RAB7A: variants seen among roughly 807,000 people sequenced by gnomAD.
RAB7A encodes the protein ras-related protein Rab-7a.
RAB7A carries 2 observed loss-of-function variants against 24.5 expected under a neutral mutation model. The ratio of observed to expected loss-of-function variants is 0.08; its 90% CI spans 0.03 to 0.26. The LOEUF (loss-of-function observed/expected upper bound fraction) is 0.26, where lower values mean the gene tolerates loss of function less well. Among genes scored for constraint, RAB7A ranks in the 10% least tolerant of loss-of-function variants. RAB7A has a pLI of 1.00. For missense variants in RAB7A, 118 were observed against 255.7 expected (o/e 0.46, Z 3.67); for synonymous variants, 100 against 95.9 (o/e 1.04, Z -0.25).
At chr3:128,781,327 A>G (rs1933213696) in intron 1 of RAB7A, among the ~76,000 whole-genome samples, 1 of 148,580 alleles carries the variant, frequency 6.7e-6, no homozygotes, top group Non-Finnish European at 1.5e-5. Context: ...GCATTATCTC[A>G]TTTGTGGAGG....
chr3:128,737,825 GTTTTTTTTTTTTTTTTTTT>G (rs56027163), intron 1 of RAB7A, among the ~76,000 whole-genome samples: 2 of 59,482 alleles, frequency 3.4e-5, no homozygotes, highest in African/African-American at 1.3e-4. Flanking sequence ...TTTTTTTGTA[GTTTTTTTTTTTTTTTTTTT>G]TTTTTTTTTT....
chr3:128,746,496 TTTTA>T (rs1442709854), intron 1 of RAB7A, among the ~76,000 whole-genome samples: 3 of 151,894 alleles, frequency 2.0e-5, no homozygotes, highest in Non-Finnish European at 4.4e-5. Context: ...GGTTCAACAT[TTTTA>T]TTTATTTTTT....
intron 1 of RAB7A, among the ~76,000 whole-genome samples, chr3:128,776,992 A>G (rs1933108517): frequency 6.7e-6 from 1 of 150,004 alleles, no homozygotes; most frequent in Admixed American, 6.6e-5. Flanking sequence ...ACACACCCCT[A>G]TTAGTCATTT....
chr3:128,789,808 G>C (rs940271985), intron 1 of RAB7A, among the ~76,000 whole-genome samples: 1 of 86,640 alleles, frequency 1.2e-5, no homozygotes, highest in Non-Finnish European at 2.4e-5. Flanking sequence ...TTTTTTTTTT[G>C]AGATGGAGTT....
At chr3:128,783,032 A>G (rs1032723532) in intron 1 of RAB7A, among the ~76,000 whole-genome samples, 1 of 152,184 alleles carries the variant, frequency 6.6e-6, no homozygotes, top group African/African-American at 2.4e-5. Flanking sequence ...CAGTGACCCA[A>G]AAATGTATAT....
chr3:128,745,917 A>C (rs1193660910), intron 1 of RAB7A, among the ~76,000 whole-genome samples: 2 of 152,226 alleles, frequency 1.3e-5, no homozygotes. Context: ...TGTGCTGGTC[A>C]CACAGCAATG....
At chr3:128,753,057 CTAT>C (rs757818210) in intron 1 of RAB7A, among the ~76,000 whole-genome samples, 2 of 152,112 alleles carry the variant, frequency 1.3e-5, no homozygotes, top group African/African-American at 4.8e-5. Context: ...AGGAGGATAT[CTAT>C]TATTATAATT....
chr3:128,807,364 A>G lies in RAB7A; in HGVS notation c.400-179A>G, dbSNP rs41266497. ...TAGCTGAATCCTAGCTATCCTGAGCATAGCTAGCAGGACAAGTTTGGACGG... is the reference window on the plus strand; with the variant it reads ...TAGCTGAATCCTAGCTATCCTGAGCGTAGCTAGCAGGACAAGTTTGGACGG... On this transcript the variant is annotated intron_variant, in intron 4 of 5. Transcript: ENST00000265062. 0.042 allele frequency among the ~76,000 whole-genome samples: 6,323 copies of G among 152,272 alleles called. 181 individuals are homozygous for G. The highest frequency in any genetic ancestry group is 0.058 in the Non-Finnish European group (3,940 of 68,016).
At chr3:128,810,831 A>G (rs1162628885) in intron 5 of RAB7A, among the ~76,000 whole-genome samples, 1 of 152,154 alleles carries the variant, frequency 6.6e-6, no homozygotes, top group Non-Finnish European at 1.5e-5. Context: ...AGGCGGGTGG[A>G]TCACCTTAGG....
intron 1 of RAB7A, chr3:128,765,084 A>C (rs2070816382): frequency 1.1e-6 from 1 of 903,372 alleles, no homozygotes; most frequent in African/African-American, 1.6e-5. Flanking sequence ...GGGCCTTGGG[A>C]TGGTCCGAGG....
chr3:128,753,712 C>T (rs1021962478), intron 1 of RAB7A, among the ~76,000 whole-genome samples: 5 of 152,300 alleles, frequency 3.3e-5, no homozygotes, highest in Admixed American at 3.3e-4. Flanking sequence ...AAGGAATGAA[C>T]TTGCTCCCTT....
chr3:128,784,654 G>A (rs113755158), intron 1 of RAB7A, among the ~76,000 whole-genome samples: 3 of 152,146 alleles, frequency 2.0e-5, no homozygotes, highest in Non-Finnish European at 4.4e-5. Context: ...TCCAAGTAAG[G>A]CCTTGCATGT....
chr3:128,751,312 C>T (rs1161543016), intron 1 of RAB7A, among the ~76,000 whole-genome samples: 1 of 152,200 alleles, frequency 6.6e-6, no homozygotes, highest in Non-Finnish European at 1.5e-5. Context: ...AGATACTCAA[C>T]ACCAGCCTGT....
chr3:128,774,803 C>T (rs189345214), intron 1 of RAB7A, among the ~76,000 whole-genome samples: 7 of 152,000 alleles, frequency 4.6e-5, no homozygotes, highest in African/African-American at 1.7e-4. Flanking sequence ...CGATCTCCTG[C>T]CCTCGTGATC....
At chr3:128,753,937 C>A (rs2070708771) in intron 1 of RAB7A, among the ~76,000 whole-genome samples, 1 of 151,978 alleles carries the variant, frequency 6.6e-6, no homozygotes. Flanking sequence ...ACCTCTTAAT[C>A]CTGTTGCATT....
chr3:128,793,211 C>T (rs1289317457), intron 1 of RAB7A, among the ~76,000 whole-genome samples: 3 of 152,102 alleles, frequency 2.0e-5, no homozygotes, highest in South Asian at 2.1e-4. Flanking sequence ...TTAGTAGAGA[C>T]GGGGTTTCAC....
In RAB7A at chr3:128,813,532, A is replaced by G; in HGVS notation, c.*110A>G. 1 of 1,049,014 alleles carries G rather than the reference A, an allele frequency of 9.5e-7. No homozygotes were observed. The highest frequency in any genetic ancestry group is 1.3e-5 in the South Asian group (1 of 78,318). The allele number at this position is 1,049,014 out of a possible 1,614,324, so 65.0% of individuals were successfully genotyped here. ...AACAAAACATACATTGATCTCTCAC[A>G]TCCAGCTGCCAAAAGAAAACCCCAT... On this transcript the variant is annotated 3_prime_UTR_variant, in exon 6 of 6. Transcript: ENST00000265062.
intron 1 of RAB7A, among the ~76,000 whole-genome samples, chr3:128,736,269 ATTC>A (rs1202633622): frequency 6.6e-6 from 1 of 152,138 alleles, no homozygotes; most frequent in Middle Eastern, 3.2e-3. Flanking sequence ...TTGACAGATA[ATTC>A]TTTAATAATG....
intron 2 of RAB7A, among the ~76,000 whole-genome samples, chr3:128,795,751 CTTTTTT>C (rs71153147): frequency 2.3e-5 from 1 of 43,032 alleles, no homozygotes; most frequent in Admixed American, 4.4e-4. Flanking sequence ...AGCAGATGTG[CTTTTTT>C]TTTTTTTTTT....
Sources: allele counts gnomAD v4.1 joint callset (sites outside exome capture counted in the v4.1 genomes callset), GRCh38; gene constraint gnomAD v4.1.1; transcripts MANE v1.5; gene names NCBI Gene and HGNC (gene_info 2026-07-23, HGNC 2026-07-21).